The following SYCP1 variants were observed in gnomAD, a reference collection of about 807,000 sequenced individuals.
SYCP1 encodes synaptonemal complex protein 1, also known as cancer/testis antigen 8.
Under a neutral mutation model 153.1 loss-of-function variants are expected in SYCP1, and 64 were observed. That is an observed-to-expected ratio of 0.42 (90% CI 0.34 to 0.51). SYCP1 has a LOEUF of 0.51. Among genes scored for constraint, SYCP1 ranks in the 20% least tolerant of loss-of-function variants. The pLI is 0.06. For synonymous variants in SYCP1, 384 were observed against 341.8 expected (o/e 1.12, Z -1.36); for missense variants, 997 against 1,049.0 (o/e 0.95, Z 0.68).
chr1:114,985,949 A>C (rs2101966496), intron 30 of SYCP1, among the ~76,000 whole-genome samples: 1 of 152,106 alleles, frequency 6.6e-6, no homozygotes, highest in East Asian at 1.9e-4. Context: ...AGTAGAAAAT[A>C]ATATAAATAA....
intron 10 of SYCP1, 60 bp downstream of exon 10, chr1:114,876,198 A>T (rs1321449320): frequency 4.2e-6 from 5 of 1,197,152 alleles, no homozygotes; most frequent in Non-Finnish European, 5.8e-6. Context: ...TATTTTTATC[A>T]GATTCCGTTA....
chr1:114,991,164 C>T (rs1327789966), intron 30 of SYCP1, among the ~76,000 whole-genome samples: 1 of 151,810 alleles, frequency 6.6e-6, no homozygotes, highest in Non-Finnish European at 1.5e-5. Context: ...TCCAAATACA[C>T]TGATAGAGGA....
In SYCP1 at chr1:114,858,767, T is replaced by C. The variant is rs1368830602; in HGVS notation, c.456+56T>C. ...TATAGTAAATCTAATCATAATACTG[T>C]TGAAAGTAGAGTATTAGTTGGGATA... is the stretch of plus-strand genomic sequence containing the variant. On this transcript the variant is annotated intron_variant, in intron 6 of 31. Transcript: ENST00000369522. 9.9e-6 allele frequency: 14 copies of C among 1,407,550 alleles called. No homozygotes were observed. In the East Asian group the frequency reaches 3.2e-4, roughly 32 times the overall value. 87.2% of individuals were successfully genotyped at this position (1,407,550 alleles called of 1,614,324 possible).
chr1:114,982,337 C>T (rs10776789), intron 29 of SYCP1, among the ~76,000 whole-genome samples: 94,983 of 151,618 alleles, frequency 0.63, 30,092 homozygotes, highest in African/African-American at 0.69. Context: ...TTAAATGTTA[C>T]GCCTTTTCCT....
At chr1:114,912,572 CT>C (rs1228958060) in intron 18 of SYCP1, among the ~76,000 whole-genome samples, 2 of 151,580 alleles carry the variant, frequency 1.3e-5, no homozygotes, top group Non-Finnish European at 3.0e-5. Context: ...TTTTTAAATA[CT>C]TTAAGTTTTA....
chr1:114,921,880 C>G (rs1007278334), intron 20 of SYCP1, among the ~76,000 whole-genome samples: 3 of 152,052 alleles, frequency 2.0e-5, no homozygotes, highest in Non-Finnish European at 4.4e-5. Flanking sequence ...CTTTATTTCT[C>G]CTTCATGTTT....
At position 114,977,612 on chromosome 1, in the gene SYCP1, A is replaced by G. The variant is rs776559607; in HGVS notation, c.2378A>G (p.Asp793Gly). The G allele has an allele frequency of 2.7e-5, 41 of 1,501,760 alleles. No homozygotes were observed. The highest frequency in any genetic ancestry group is 2.8e-5 in the Non-Finnish European group (31 of 1,118,652). The allele number at this position is 1,501,760 out of a possible 1,614,324, so 93.0% of individuals were successfully genotyped here. The part of the protein sequence containing the change: ...ENTATLKEKK[D>G]KKTQTFLLET... ...ACAGCTACTCTTAAAGAAAAAAAAG[A>G]CAAGGTAAGAGCATATAATTCTCAT... The change falls in exon 28 of 32, where the codon GAC (aspartate) becomes GGC (glycine). Residue 793 changes from aspartate to glycine, a missense_variant. Physicochemically the swap from Asp to Gly is moderately conservative, Grantham distance 94. This residue lies in a region of SYCP1 where 712 missense variants were observed against 682.9 expected (regional missense o/e 1.04). Coordinates refer to ENST00000369522, the MANE Select transcript of SYCP1 (RefSeq NM_003176.4).
chr1:114,874,612 C>A (rs747505932), intron 9 of SYCP1, 48 bp downstream of exon 9: 11 of 1,156,752 alleles, frequency 9.5e-6, no homozygotes, highest in Non-Finnish European at 1.2e-5. Context: ...AATTTCTGAG[C>A]AAATTAGAGC....
intron 23 of SYCP1, among the ~76,000 whole-genome samples, chr1:114,942,697 A>C (rs1217652356): frequency 6.6e-6 from 1 of 152,002 alleles, no homozygotes; most frequent in Non-Finnish European, 1.5e-5. Flanking sequence ...GGATATAAAT[A>C]AATGTGAAGG....
upstream of SYCP1, among the ~76,000 whole-genome samples, chr1:114,854,431 C>T (rs1663800534): frequency 6.6e-6 from 1 of 152,214 alleles, no homozygotes; most frequent in South Asian, 2.1e-4. Context: ...AGCCACCGGC[C>T]CGCCTAGCCA....
At chr1:114,900,287 A>AT (rs993456300) in intron 16 of SYCP1, among the ~76,000 whole-genome samples, 16 of 147,874 alleles carry the variant, frequency 1.1e-4, no homozygotes, top group Admixed American at 1.4e-4. Context: ...TTCTTATAAC[A>AT]TTTTTTTTTT....
chr1:114,988,287 T>G (rs531239640), intron 30 of SYCP1, among the ~76,000 whole-genome samples: 88 of 151,798 alleles, frequency 5.8e-4, no homozygotes, highest in African/African-American at 2.0e-3. Context: ...TGCTAAAAAC[T>G]TCCCAAATTT....
At chr1:114,865,625 A>G (rs774087405) in intron 8 of SYCP1, among the ~76,000 whole-genome samples, 2 of 152,210 alleles carry the variant, frequency 1.3e-5, no homozygotes, top group Admixed American at 1.3e-4. Flanking sequence ...CCATGCATCT[A>G]TAGCCTCTCC....
intron 16 of SYCP1, among the ~76,000 whole-genome samples, chr1:114,903,268 T>C (rs1048395954): frequency 6.6e-6 from 1 of 152,158 alleles, no homozygotes; most frequent in Non-Finnish European, 1.5e-5. Flanking sequence ...ACTGCCTTCA[T>C]GGAACAACAG....
At chr1:114,883,617 C>T (rs961796664) in intron 12 of SYCP1, among the ~76,000 whole-genome samples, 4 of 152,120 alleles carry the variant, frequency 2.6e-5, no homozygotes, top group Non-Finnish European at 5.9e-5. Context: ...CATTCCGTTC[C>T]GATACATGCC....
chr1:114,971,959 C>A (rs966220464), intron 27 of SYCP1, among the ~76,000 whole-genome samples: 6 of 152,062 alleles, frequency 3.9e-5, no homozygotes, highest in Non-Finnish European at 7.4e-5. Context: ...AACCCCCTCT[C>A]CTCTATTTTT....
At chr1:114,925,937 A>G (rs1333510775) in intron 21 of SYCP1, among the ~76,000 whole-genome samples, 1 of 152,080 alleles carries the variant, frequency 6.6e-6, no homozygotes, top group Non-Finnish European at 1.5e-5. Flanking sequence ...GCTAGTTAAC[A>G]TATTCATCAC....
chr1:114,921,443 C>G (rs142904807), intron 20 of SYCP1, among the ~76,000 whole-genome samples: 3,885 of 151,998 alleles, frequency 0.026, 64 homozygotes, highest in Middle Eastern at 0.051. Flanking sequence ...CTTTGGGAGG[C>G]TGAGGGGGGC....
intron 23 of SYCP1, among the ~76,000 whole-genome samples, chr1:114,936,561 G>A (rs1209991803): frequency 6.6e-6 from 1 of 152,116 alleles, no homozygotes; most frequent in Non-Finnish European, 1.5e-5. Context: ...AGGGCAATCA[G>A]GCAGGAGAAA....
Sources: gnomAD v4.1 joint callset for allele counts (sites outside exome capture counted in the v4.1 genomes callset) on GRCh38, gnomAD v4.1.1 for gene constraint, gnomAD v4.1.1 regional missense constraint, MANE v1.5 for transcripts, NCBI Gene and HGNC (gene_info 2026-07-23, HGNC 2026-07-21) for gene names.